DOCK10: variants seen among roughly 807,000 people sequenced by gnomAD.
DOCK10 encodes dedicator of cytokinesis protein 10.
In DOCK10, 145 loss-of-function variants were observed where a neutral mutation model predicts 280.1. The ratio of observed to expected loss-of-function variants is 0.52; its 90% confidence interval spans 0.45 to 0.59. The LOEUF (loss-of-function observed/expected upper bound fraction) is 0.59. DOCK10 is among the 20% of genes least tolerant of loss of function. The probability of loss-of-function intolerance (pLI) is 0.00; values close to 1 mark genes in which losing one functional copy is unlikely to be tolerated. For synonymous variants in DOCK10, 915 were observed against 942.2 expected (o/e 0.97, Z 0.53); for missense variants, 2,368 against 2,651.7 (o/e 0.89, Z 2.35).
At chr2:224,931,970 A>C (rs778404853) in intron 1 of DOCK10, among the ~76,000 whole-genome samples, 2 of 152,124 alleles carry the variant, frequency 1.3e-5, no homozygotes, top group Non-Finnish European at 2.9e-5. Flanking sequence ...TGTTTATGTA[A>C]ATTTTATCTT....
intron 1 of DOCK10, among the ~76,000 whole-genome samples, chr2:224,996,584 T>C (rs1247389213): frequency 6.6e-6 from 1 of 152,228 alleles, no homozygotes; most frequent in Non-Finnish European, 1.5e-5. Context: ...CAGAATGGAA[T>C]GCACGGCTAC....
intron 1 of DOCK10, among the ~76,000 whole-genome samples, chr2:224,991,947 A>G (rs1706136955): frequency 6.6e-6 from 1 of 152,170 alleles, no homozygotes; most frequent in Non-Finnish European, 1.5e-5. Flanking sequence ...GGGTGAATAC[A>G]GGAGGAGTTG....
intron 2 of DOCK10, among the ~76,000 whole-genome samples, chr2:224,924,188 A>G (rs564400906): frequency 6.6e-6 from 1 of 152,330 alleles, no homozygotes; most frequent in Non-Finnish European, 1.5e-5. Context: ...TTTTAAAAAA[A>G]CCATCTAATT....
At chr2:224,999,586 C>T (rs1003145128) in intron 1 of DOCK10, among the ~76,000 whole-genome samples, 6 of 151,686 alleles carry the variant, frequency 4.0e-5, no homozygotes, top group Admixed American at 1.3e-4. Context: ...TATCCCAGGC[C>T]CTTGGGATAA....
chr2:224,921,110 A>ATATATATAT (rs1185460802), intron 2 of DOCK10, among the ~76,000 whole-genome samples: 37 of 69,608 alleles, frequency 5.3e-4, no homozygotes, highest in African/African-American at 3.8e-3. Context: ...AAAAAAAAAA[A>ATATATATAT]AAATATATAT....
chr2:224,940,780 CT>C (rs1315436933), intron 1 of DOCK10, among the ~76,000 whole-genome samples: 1 of 152,188 alleles, frequency 6.6e-6, no homozygotes, highest in East Asian at 1.9e-4. Context: ...TAATTTTGCT[CT>C]CTGTAGGAGG....
At chr2:225,016,563 A>G (rs77542490) in intron 1 of DOCK10, among the ~76,000 whole-genome samples, 5,974 of 134,298 alleles carry the variant, frequency 0.044, 499 homozygotes, top group East Asian at 0.15. Context: ...ATAGATACAT[A>G]TATCTATGTG....
At chr2:224,812,241 T>C (rs1363158442) in intron 31 of DOCK10, among the ~76,000 whole-genome samples, 1 of 152,234 alleles carries the variant, frequency 6.6e-6, no homozygotes, top group Non-Finnish European at 1.5e-5. Context: ...TTATTCTCTT[T>C]GAAGTAATTG....
At chr2:224,918,161 A>T (rs898427111) in intron 2 of DOCK10, among the ~76,000 whole-genome samples, 49 of 152,104 alleles carry the variant, frequency 3.2e-4, no homozygotes, top group Admixed American at 1.2e-3. Context: ...ATTTTCTCCA[A>T]ATCTCTCCTT....
intron 1 of DOCK10, among the ~76,000 whole-genome samples, chr2:225,031,264 C>G (rs552854929): frequency 6.6e-6 from 1 of 152,210 alleles, no homozygotes; most frequent in Non-Finnish European, 1.5e-5. Context: ...ATCAGCCTCC[C>G]ATTTCCATAC....
intron 1 of DOCK10, among the ~76,000 whole-genome samples, chr2:224,976,487 G>C (rs148998035): frequency 6.6e-6 from 1 of 152,246 alleles, no homozygotes. Flanking sequence ...GGAGAAATGA[G>C]TCAGCATGTC....
intron 51 of DOCK10, 56 bp from the exon 52 acceptor site, chr2:224,775,171 C>T (rs551976417): frequency 8.9e-5 from 136 of 1,524,660 alleles, no homozygotes; most frequent in Middle Eastern, 1.7e-4. Context: ...GCTCTGAAAG[C>T]GGGAAGCTCC....
At chr2:224,910,731 T>C (rs1386520892) in intron 3 of DOCK10, among the ~76,000 whole-genome samples, 1 of 152,228 alleles carries the variant, frequency 6.6e-6, no homozygotes, top group African/African-American at 2.4e-5. Flanking sequence ...CTCAGCTCTT[T>C]GGTGACCTCT....
chr2:224,921,549 C>A (rs142283238), intron 2 of DOCK10, among the ~76,000 whole-genome samples: 1 of 151,976 alleles, frequency 6.6e-6, no homozygotes, highest in Non-Finnish European at 1.5e-5. Flanking sequence ...TGCTTAATCA[C>A]GTGTACAATG....
At chr2:224,928,550 C>T (rs188871899) in intron 2 of DOCK10, among the ~76,000 whole-genome samples, 2 of 152,268 alleles carry the variant, frequency 1.3e-5, no homozygotes, top group East Asian at 3.9e-4. Flanking sequence ...GACAGTTTGC[C>T]AAGCTGTACT....
chr2:224,868,193 C>T (rs1192162340), intron 11 of DOCK10, among the ~76,000 whole-genome samples: 1 of 151,802 alleles, frequency 6.6e-6, no homozygotes, highest in South Asian at 2.1e-4. Context: ...TTTTACAAAA[C>T]AAATGAAAAA....
intron 4 of DOCK10, among the ~76,000 whole-genome samples, 159 bp downstream of exon 4, chr2:224,896,136 T>G (rs961444372): frequency 6.6e-6 from 1 of 151,890 alleles, no homozygotes. Context: ...CTACACATGT[T>G]GAACAAAATG....
Position 224,855,047 on chromosome 2 carries a change from A to G in DOCK10, c.1809-5T>C, listed in dbSNP as rs1697016657. 2 of 1,512,894 alleles carry G rather than the reference A, an allele frequency of 1.3e-6. No homozygotes were observed. Among genetic ancestry groups the G allele is most frequent in the Non-Finnish European group, 1.8e-6 (2 of 1,108,668 alleles). The allele number at this position is 1,512,894 out of a possible 1,614,324, so 93.7% of individuals were successfully genotyped here. A position where few individuals can be genotyped will look rare whatever the true frequency, so the allele number is the denominator to read the frequency against. ...ATTTTGCTTATTCTGTCGGCCCTGTAAGAGTGCATGAGCAAGGACACACAC... is the reference window on the plus strand; with the variant it reads ...ATTTTGCTTATTCTGTCGGCCCTGTGAGAGTGCATGAGCAAGGACACACAC... On this transcript the variant is annotated splice_polypyrimidine_tract_variant and splice_region_variant and intron_variant, in intron 15 of 55. Transcript: ENST00000258390.
intron 1 of DOCK10, among the ~76,000 whole-genome samples, chr2:225,040,510 G>C (rs1031281500): frequency 1.2e-5 from 1 of 85,736 alleles, no homozygotes; most frequent in Non-Finnish European, 2.4e-5. Flanking sequence ...GGAGAAAGCA[G>C]TGCGTGTGTG....
Sources: allele counts gnomAD v4.1 joint callset (sites outside exome capture counted in the v4.1 genomes callset), GRCh38; gene constraint gnomAD v4.1.1; transcripts MANE v1.5; gene names NCBI Gene and HGNC (gene_info 2026-07-23, HGNC 2026-07-21).